The following MIR2052HG variants were observed in gnomAD, a reference collection of about 807,000 sequenced individuals.
MIR2052HG encodes the protein MIR2052 host gene.
chr8:74,612,467 G>C (rs1028636641), intron 1 of MIR2052HG: 1 of 168,728 alleles, frequency 5.9e-6, no homozygotes, highest in African/African-American at 2.4e-5. Context: ...AGCTTGGGTT[G>C]AGAGAATAAC....
intron 2 of MIR2052HG, among the ~76,000 whole-genome samples, chr8:74,694,840 G>C (rs1809279376): frequency 6.6e-6 from 1 of 152,074 alleles, no homozygotes; most frequent in African/African-American, 2.4e-5. Context: ...TATGTTAAAT[G>C]ACCAAACCTA....
chr8:74,603,309 C>T (rs1432341927), intron 1 of MIR2052HG: 7 of 1,598,330 alleles, frequency 4.4e-6, no homozygotes, highest in African/African-American at 2.7e-5. Context: ...CCATGCCACC[C>T]GTCTCCGAGG....
At chr8:74,614,234 A>G (rs953627050) in intron 2 of MIR2052HG, among the ~76,000 whole-genome samples, 7 of 152,202 alleles carry the variant, frequency 4.6e-5, no homozygotes, top group Non-Finnish European at 7.3e-5. Flanking sequence ...TATTTTAAAA[A>G]CACAAATTAT....
chr8:74,622,094 C>T (rs1808369949), intron 2 of MIR2052HG, among the ~76,000 whole-genome samples: 1 of 152,056 alleles, frequency 6.6e-6, no homozygotes. Context: ...GCAAAGAAAG[C>T]AATCAACAGA....
At chr8:74,678,632 A>G (rs886256668) in intron 2 of MIR2052HG, among the ~76,000 whole-genome samples, 3 of 151,360 alleles carry the variant, frequency 2.0e-5, no homozygotes, top group Non-Finnish European at 4.4e-5. Flanking sequence ...TAAGGTCTAT[A>G]TAACCTTGAT....
chr8:74,690,309 T>A (rs1809226135), intron 2 of MIR2052HG, among the ~76,000 whole-genome samples: 1 of 152,192 alleles, frequency 6.6e-6, no homozygotes. Context: ...TCATCTGAGG[T>A]CAGTTCTTCA....
intron 2 of MIR2052HG, among the ~76,000 whole-genome samples, chr8:74,682,461 A>T (rs557425217): frequency 6.3e-4 from 96 of 152,280 alleles, no homozygotes; most frequent in African/African-American, 2.3e-3. Context: ...ACAAAATACT[A>T]ATAATAAAAT....
chr8:74,691,305 A>G (rs1489687616), intron 2 of MIR2052HG, among the ~76,000 whole-genome samples: 5 of 152,190 alleles, frequency 3.3e-5, no homozygotes, highest in Admixed American at 3.3e-4. Flanking sequence ...TTGATGCAGA[A>G]GATTTATAGG....
intron 2 of MIR2052HG, among the ~76,000 whole-genome samples, chr8:74,676,811 A>G (rs1809058173): frequency 1.3e-5 from 2 of 152,008 alleles, no homozygotes; most frequent in South Asian, 4.1e-4. Flanking sequence ...CAACACACAC[A>G]TACGAAAGGC....
At chr8:74,635,611 T>C (rs1363765426) in intron 2 of MIR2052HG, among the ~76,000 whole-genome samples, 2 of 152,190 alleles carry the variant, frequency 1.3e-5, no homozygotes, top group Non-Finnish European at 2.9e-5. Flanking sequence ...GGCTGAAGAA[T>C]TTGACCTTTA....
rs571124204 is a variant in MIR2052HG, at chr8:74,677,580, T to C, written n.217-24799T>C. On this transcript the variant is annotated intron_variant and non_coding_transcript_variant, in intron 2 of 6. Transcript: ENST00000523442. Reference sequence around the variant, plus strand: ...AAAAACTGAAATTAAAAATCATATGTCTAAATAATTCATAGGTCAAAAACC... The same window carrying C: ...AAAAACTGAAATTAAAAATCATATGCCTAAATAATTCATAGGTCAAAAACC... Among the ~76,000 whole-genome samples the C allele has an allele frequency of 7.9e-5, 12 of 152,160 alleles. 1 individual carries two copies. In the East Asian group the frequency reaches 2.1e-3, roughly 27 times the overall value.
At chr8:74,696,077 A>G (rs942873732) in intron 2 of MIR2052HG, among the ~76,000 whole-genome samples, 2 of 152,166 alleles carry the variant, frequency 1.3e-5, no homozygotes, top group Non-Finnish European at 2.9e-5. Context: ...ATAGGCCACA[A>G]AACAGGTCTC....
At chr8:74,607,328 C>G (rs1175938134) in intron 1 of MIR2052HG, among the ~76,000 whole-genome samples, 1 of 152,060 alleles carries the variant, frequency 6.6e-6, no homozygotes, top group African/African-American at 2.4e-5. Flanking sequence ...ATACACATAA[C>G]AGGCCAGGCA....
chr8:74,734,642 A>G (rs1809728436), intron 4 of MIR2052HG, among the ~76,000 whole-genome samples: 1 of 152,186 alleles, frequency 6.6e-6, no homozygotes, highest in African/African-American at 2.4e-5. Context: ...GGAACATATA[A>G]AGTTGCAAAA....
At chr8:74,629,694 G>C (rs960709178) in intron 2 of MIR2052HG, among the ~76,000 whole-genome samples, 1 of 152,122 alleles carries the variant, frequency 6.6e-6, no homozygotes, top group African/African-American at 2.4e-5. Flanking sequence ...TGGTGCATTG[G>C]CCCAGTACAA....
In MIR2052HG at chr8:74,744,392, G is replaced by A. The variant is rs1051395886; in HGVS notation, n.372-8049G>A. On this transcript the variant is annotated intron_variant and non_coding_transcript_variant, in intron 4 of 6. Coordinates refer to ENST00000523442, the Ensembl canonical transcript of MIR2052HG. ...CACAATGTGCAGGTTAGTTACATAC[G>A]TATACATGTGCCATGCTGGTGTGCT... Among the ~76,000 whole-genome samples the A allele has an allele frequency of 5.3e-5, 8 of 151,476 alleles. 1 individual carries two copies. The highest frequency in any genetic ancestry group is 1.2e-4 in the African/African-American group (5 of 41,208).
chr8:74,632,461 T>A (rs1808524947), intron 2 of MIR2052HG: 1 of 152,086 alleles, frequency 6.6e-6, no homozygotes, highest in Non-Finnish European at 1.5e-5. Flanking sequence ...TCTCATCAGC[T>A]CATTTATTTT....
intron 2 of MIR2052HG, among the ~76,000 whole-genome samples, chr8:74,652,881 A>C (rs1007987950): frequency 6.6e-6 from 1 of 152,176 alleles, no homozygotes; most frequent in Non-Finnish European, 1.5e-5. Context: ...CTGCAGCAGA[A>C]CTGTTAGCAG....
chr8:74,603,534 A>G lies in MIR2052HG; in HGVS notation n.128+3626A>G. The G allele has an allele frequency of 3.9e-6, 6 of 1,523,210 alleles. No homozygotes were observed. In the South Asian group the frequency reaches 5.6e-5, roughly 14 times the overall value. 94.4% of individuals were successfully genotyped at this position (1,523,210 alleles called of 1,614,324 possible). ...TAAGTTCATGAGAAGTAGTCTGAGC[A>G]GATGTATCCAAACCTGCACTGAATC... On this transcript the variant is annotated intron_variant and non_coding_transcript_variant, in intron 1 of 6. Transcript: ENST00000523442.
Sources: allele counts gnomAD v4.1 joint callset (sites outside exome capture counted in the v4.1 genomes callset), GRCh38; gene constraint gnomAD v4.1.1; transcripts MANE v1.5; gene names NCBI Gene and HGNC (gene_info 2026-07-23, HGNC 2026-07-21).